The following CACHD1 variants were observed in gnomAD, a reference collection of about 807,000 sequenced individuals.
CACHD1 encodes the protein VWFA and cache domain-containing protein 1.
A neutral mutation model predicts 138.7 loss-of-function variants in CACHD1; 71 were observed. The ratio of observed to expected loss-of-function variants is 0.51; its 90% CI spans 0.42 to 0.62. CACHD1 has a LOEUF of 0.62. Ranked by LOEUF, CACHD1 falls within the 20% of genes least tolerant of loss-of-function variation. The pLI, the probability that CACHD1 is intolerant of heterozygous loss-of-function variation, is 0.00. For synonymous variants in CACHD1, 578 were observed against 591.5 expected (o/e 0.98, Z 0.33); for missense variants, 1,389 against 1,625.3 (o/e 0.85, Z 2.50).
intron 1 of CACHD1, among the ~76,000 whole-genome samples, chr1:64,523,805 T>G (rs1264006597): frequency 5.2e-5 from 7 of 134,086 alleles, no homozygotes; most frequent in African/African-American, 2.0e-4. Flanking sequence ...ATCTGCTCAC[T>G]TGGGGTCGAA....
intron 24 of CACHD1, among the ~76,000 whole-genome samples, 176 bp downstream of exon 24, chr1:64,679,932 T>C (rs1650116861): frequency 6.6e-6 from 1 of 152,224 alleles, no homozygotes. Flanking sequence ...CTACAAGCTC[T>C]ATTTTGATCC....
intron 1 of CACHD1, among the ~76,000 whole-genome samples, chr1:64,533,552 G>A (rs1646605868): frequency 6.6e-6 from 1 of 152,152 alleles, no homozygotes; most frequent in Non-Finnish European, 1.5e-5. Context: ...GCCAAACAGA[G>A]TTACCAACAC....
At chr1:64,644,066 T>A (rs1648824990) in intron 8 of CACHD1, among the ~76,000 whole-genome samples, 1 of 152,248 alleles carries the variant, frequency 6.6e-6, no homozygotes, top group African/African-American at 2.4e-5. Flanking sequence ...TCCACAAGAA[T>A]GTGAACTTCT....
At chr1:64,643,619 G>C (rs1486465538) in intron 8 of CACHD1, among the ~76,000 whole-genome samples, 2 of 152,112 alleles carry the variant, frequency 1.3e-5, no homozygotes, top group African/African-American at 4.8e-5. Flanking sequence ...GGCGGATCAC[G>C]AGGTCAGGAG....
Position 64,683,020 on chromosome 1 carries a change from C to T in CACHD1, c.3586+914C>T, listed in dbSNP as rs151278756. On this transcript the variant is annotated intron_variant, in intron 26 of 26. Transcript: ENST00000651257. ...AGCCTTTTTGACTTAGCTTTTTCCA[C>T]ACCTATCCTGGAAAAAAAAAGTCCT... Among the ~76,000 whole-genome samples the T allele has an allele frequency of 9.1e-3, 1,388 of 151,870 alleles. 19 individuals are homozygous for T. Among genetic ancestry groups the T allele is most frequent in the African/African-American group, 0.032 (1,325 of 41,416 alleles).
At chr1:64,558,313 G>T (rs1646813398) in intron 2 of CACHD1, among the ~76,000 whole-genome samples, 1 of 152,152 alleles carries the variant, frequency 6.6e-6, no homozygotes, top group African/African-American at 2.4e-5. Context: ...ACATTCCTTT[G>T]CACAAGGTGC....
chr1:64,565,573 A>G (rs188273100), intron 2 of CACHD1, among the ~76,000 whole-genome samples: 7 of 152,280 alleles, frequency 4.6e-5, no homozygotes, highest in African/African-American at 7.2e-5. Context: ...GCTAATTTTT[A>G]TCATCTTAGA....
chr1:64,496,638 A>G (rs1464859051), intron 1 of CACHD1, among the ~76,000 whole-genome samples: 2 of 152,210 alleles, frequency 1.3e-5, no homozygotes, highest in African/African-American at 4.8e-5. Context: ...TCTACCTAAC[A>G]TGAAACTTAA....
At chr1:64,601,035 C>A (rs917154135) in intron 3 of CACHD1, among the ~76,000 whole-genome samples, 7 of 152,140 alleles carry the variant, frequency 4.6e-5, no homozygotes, top group Admixed American at 1.3e-4. Context: ...TTTCATCATC[C>A]CAGAGACTTC....
chr1:64,640,263 C>T (rs552305260), intron 7 of CACHD1, among the ~76,000 whole-genome samples: 6 of 152,234 alleles, frequency 3.9e-5, no homozygotes, highest in Admixed American at 2.6e-4. Flanking sequence ...GGTTGCCTGC[C>T]GCAGTCACTT....
chr1:64,669,895 A>G (rs566929139), intron 16 of CACHD1, among the ~76,000 whole-genome samples: 6 of 152,292 alleles, frequency 3.9e-5, no homozygotes, highest in Non-Finnish European at 7.4e-5. Flanking sequence ...CCTAAGTGCT[A>G]TTTTTCACCG....
At chr1:64,590,561 C>A (rs1647091182) in intron 3 of CACHD1, among the ~76,000 whole-genome samples, 1 of 152,022 alleles carries the variant, frequency 6.6e-6, no homozygotes, top group Admixed American at 6.6e-5. Flanking sequence ...AACATGCTGA[C>A]CCATAATGTT....
intron 3 of CACHD1, among the ~76,000 whole-genome samples, chr1:64,584,621 A>T (rs1647036647): frequency 6.6e-6 from 1 of 152,128 alleles, no homozygotes. Flanking sequence ...AGTAATTTCC[A>T]TACATCTCTA....
intron 23 of CACHD1, among the ~76,000 whole-genome samples, chr1:64,679,338 G>T (rs1375639407): frequency 6.6e-6 from 1 of 152,146 alleles, no homozygotes; most frequent in Non-Finnish European, 1.5e-5. Flanking sequence ...CTTCTGGTCT[G>T]CTCACTCTTC....
intron 4 of CACHD1, among the ~76,000 whole-genome samples, chr1:64,609,736 C>CT (rs1169562171): frequency 1.3e-5 from 2 of 150,870 alleles, no homozygotes; most frequent in Middle Eastern, 3.5e-3. Flanking sequence ...TGGATATAGC[C>CT]TTTTTTTAAC....
chr1:64,518,934 C>G (rs780480921), intron 1 of CACHD1, among the ~76,000 whole-genome samples: 17 of 152,132 alleles, frequency 1.1e-4, no homozygotes, highest in Non-Finnish European at 2.4e-4. Flanking sequence ...TAGATAAGGG[C>G]TTAGTGACTC....
Position 64,676,906 on chromosome 1 carries a change from G to T in CACHD1, c.2987G>T (p.Cys996Phe). The T allele has an allele frequency of 6.2e-7, 1 of 1,613,712 alleles. No individual in the cohort carries two copies. Among genetic ancestry groups the T allele is most frequent in the Non-Finnish European group, 8.5e-7 (1 of 1,179,796 alleles). Reference sequence around the variant, plus strand: ...TACCTCCTGCACAGAAACCCCAGCTGCGAGGTCCACCAGGAGCCGGTGACA... The same window carrying T: ...TACCTCCTGCACAGAAACCCCAGCTTCGAGGTCCACCAGGAGCCGGTGACA... ...LTNAENRNPS[C>F]EVHQEPVTYT... Residue 996 changes from cysteine to phenylalanine, a missense_variant, in exon 22 of 27, where the codon TGC becomes TTC. Around this residue, in one of 5 missense-constraint regions of CACHD1, gnomAD observed 250 missense variants for 292.9 expected, o/e 0.85. Transcript: ENST00000651257.
At chr1:64,679,064 G>A (rs1557554030) in intron 23 of CACHD1, among the ~76,000 whole-genome samples, 2 of 152,178 alleles carry the variant, frequency 1.3e-5, no homozygotes, top group African/African-American at 4.8e-5. Flanking sequence ...AACTAGGTGA[G>A]GGTACATATG....
At chr1:64,547,459 G>A (rs778559307) in intron 1 of CACHD1, among the ~76,000 whole-genome samples, 11 of 152,128 alleles carry the variant, frequency 7.2e-5, no homozygotes, top group Non-Finnish European at 1.3e-4. Context: ...TCTGCCTCCT[G>A]GGTTCGAGCA....
Sources: allele counts gnomAD v4.1 joint callset (sites outside exome capture counted in the v4.1 genomes callset), GRCh38; gene constraint gnomAD v4.1.1; regional missense constraint gnomAD v4.1.1; transcripts MANE v1.5; gene names NCBI Gene and HGNC (gene_info 2026-07-23, HGNC 2026-07-21).